The following LRFN2 variants were observed in gnomAD, a reference collection of about 807,000 sequenced individuals.
The protein encoded by LRFN2 is leucine-rich repeat and fibronectin type-III domain-containing protein 2.
In LRFN2, 18 loss-of-function variants were observed where a neutral mutation model predicts 37.3. The observed-to-expected ratio is 0.48, with a 90% confidence interval of 0.33 to 0.72. The LOEUF is 0.72. Ranked by LOEUF, LRFN2 falls within the 30% of genes least tolerant of loss-of-function variation. The probability of loss-of-function intolerance (pLI) is 0.02; values close to 1 mark genes in which losing one functional copy is unlikely to be tolerated. For missense variants in LRFN2, 1,006 were observed against 1,060.7 expected (o/e 0.95, Z 0.72); for synonymous variants, 556 against 466.6 (o/e 1.19, Z -2.47).
intron 1 of LRFN2, among the ~76,000 whole-genome samples, chr6:40,525,402 C>A (rs1377498351): frequency 6.6e-6 from 1 of 152,214 alleles, no homozygotes; most frequent in African/African-American, 2.4e-5. Context: ...TCATTTGCAC[C>A]TGATGGGTGC....
At chr6:40,482,516 C>T (rs1236480388) in intron 1 of LRFN2, among the ~76,000 whole-genome samples, 4 of 152,358 alleles carry the variant, frequency 2.6e-5, no homozygotes, top group Non-Finnish European at 4.4e-5. Flanking sequence ...AAGATCTCTA[C>T]TTTTCCTTCT....
intron 1 of LRFN2, among the ~76,000 whole-genome samples, chr6:40,499,829 T>C (rs2504831): frequency 0.49 from 73,959 of 152,018 alleles, 18,598 homozygotes; most frequent in East Asian, 0.58. Context: ...CAGATCCCAG[T>C]TCTGCCTTCT....
chr6:40,477,540 T>G (rs926118820), intron 1 of LRFN2, among the ~76,000 whole-genome samples: 16 of 152,320 alleles, frequency 1.1e-4, no homozygotes, highest in Admixed American at 3.3e-4. Context: ...GTTGGTGGGC[T>G]GGGGCAGGGG....
chr6:40,497,737 C>T (rs774739918), intron 1 of LRFN2, among the ~76,000 whole-genome samples: 17 of 152,192 alleles, frequency 1.1e-4, no homozygotes, highest in Non-Finnish European at 2.1e-4. Flanking sequence ...ACCTCTCCAA[C>T]TCCCCCACCC....
In LRFN2 at chr6:40,392,238, T is replaced by G. The variant is rs1237002059; in HGVS notation, c.2075A>C (p.His692Pro). ...RGAGTSARGH[H>P]SDREPLLGPP... ...CCCCAGCAGTGGCTCTCGGTCCGAGTGGTGGCCCCGGGCCGACGTCCCAGC... is the reference window on the plus strand; with the variant it reads ...CCCCAGCAGTGGCTCTCGGTCCGAGGGGTGGCCCCGGGCCGACGTCCCAGC... Residue 692 changes from histidine (H) to proline (P), a missense_variant, in exon 3 of 3, where the codon CAC becomes CCC. Transcript: ENST00000338305. This position sits in a 1 kb window ranked among gnomAD's most constrained non-coding sequence, Gnocchi z 4.7. The G allele has an allele frequency of 1.7e-5, 27 of 1,573,302 alleles. No homozygotes were observed. The highest frequency in any genetic ancestry group is 2.2e-5 in the Non-Finnish European group (26 of 1,162,260).
chr6:40,433,005 G>C lies in LRFN2; in HGVS notation c.109C>G (p.Leu37Val), dbSNP rs879053979. ...AAGAGCAGCCCCTTGGAGGGGCACA[G>C]GGTCCCCAGTGACTCAGACAGATTC... The part of the protein sequence containing the change: ...CQNLSESLGT[L>V]CPSKGLLFVP... The change falls in exon 2 of 3, where the codon CTG (leucine) becomes GTG (valine). Residue 37 changes from leucine to valine, a missense_variant. By Grantham distance (32) the Leu-to-Val change is conservative (BLOSUM62 1). Coordinates refer to ENST00000338305, the MANE Select transcript of LRFN2 (RefSeq NM_020737.3). 1.2e-6 allele frequency: 2 copies of C among 1,608,756 alleles called. No individual in the cohort carries two copies. Among genetic ancestry groups the C allele is most frequent in the African/African-American group, 2.7e-5 (2 of 74,782 alleles).
At chr6:40,452,366 G>C (rs541605994) in intron 1 of LRFN2, among the ~76,000 whole-genome samples, 2 of 152,284 alleles carry the variant, frequency 1.3e-5, no homozygotes, top group East Asian at 3.9e-4. Context: ...TGATATTGCT[G>C]ACATCCCAAA....
intron 2 of LRFN2, among the ~76,000 whole-genome samples, chr6:40,427,347 A>G (rs1427150010): frequency 1.3e-5 from 2 of 152,366 alleles, no homozygotes; most frequent in Non-Finnish European, 2.9e-5. Context: ...CCAAGACAGC[A>G]TGAGAGTTCG....
chr6:40,397,436 C>T (rs2068329), intron 2 of LRFN2, among the ~76,000 whole-genome samples: 146,204 of 152,266 alleles, frequency 0.96, 70,452 homozygotes, highest in Non-Finnish European at 1. Flanking sequence ...AGCACCACAC[C>T]ATCTCTAGTG....
At chr6:40,422,720 C>T (rs1004537893) in intron 2 of LRFN2, among the ~76,000 whole-genome samples, 15 of 152,214 alleles carry the variant, frequency 9.9e-5, no homozygotes, top group African/African-American at 3.6e-4. Context: ...TCTTCCAGGC[C>T]TAACCCCATC....
At chr6:40,577,447 A>C (rs2113798111) in intron 1 of LRFN2, among the ~76,000 whole-genome samples, 1 of 152,268 alleles carries the variant, frequency 6.6e-6, no homozygotes, top group African/African-American at 2.4e-5. Context: ...AGCTCTTTCA[A>C]ACCAAAAGAT....
intron 1 of LRFN2, among the ~76,000 whole-genome samples, chr6:40,461,717 G>T (rs956181465): frequency 6.6e-6 from 1 of 152,004 alleles, no homozygotes; most frequent in African/African-American, 2.4e-5. Context: ...AAGTAGGAGA[G>T]GCGAGGGAGA....
intron 1 of LRFN2, among the ~76,000 whole-genome samples, chr6:40,445,638 C>A (rs545768846): frequency 2.6e-4 from 40 of 152,290 alleles, no homozygotes; most frequent in African/African-American, 8.9e-4. Flanking sequence ...ATTACAGAAA[C>A]CTTTTAAAGG....
At chr6:40,563,666 C>T (rs1440023324) in intron 1 of LRFN2, among the ~76,000 whole-genome samples, 1 of 152,124 alleles carries the variant, frequency 6.6e-6, no homozygotes, top group Non-Finnish European at 1.5e-5. Flanking sequence ...GTCCTGGGGG[C>T]TATGTCACAA....
intron 1 of LRFN2, among the ~76,000 whole-genome samples, chr6:40,445,280 G>A (rs1347595132): frequency 6.6e-6 from 1 of 152,168 alleles, no homozygotes; most frequent in African/African-American, 2.4e-5. Context: ...TTTTATAAGT[G>A]GAGAAATTGA....
chr6:40,485,162 A>G (rs1421163693), intron 1 of LRFN2, among the ~76,000 whole-genome samples: 1 of 152,222 alleles, frequency 6.6e-6, no homozygotes, highest in Non-Finnish European at 1.5e-5. Context: ...ATGTTCAACT[A>G]TCAGCCAAGT....
intron 1 of LRFN2, among the ~76,000 whole-genome samples, chr6:40,510,481 C>G (rs1195574440): frequency 6.6e-6 from 1 of 152,220 alleles, no homozygotes; most frequent in Admixed American, 6.5e-5. Context: ...ACCCTTTGCT[C>G]CCTGTCATTC....
intron 1 of LRFN2, among the ~76,000 whole-genome samples, chr6:40,537,761 T>G (rs1487558362): frequency 6.6e-6 from 1 of 152,086 alleles, no homozygotes; most frequent in African/African-American, 2.4e-5. Context: ...AGTTAGGGAC[T>G]AAGGGGACTC....
chr6:40,435,169 G>C (rs1763634029), intron 1 of LRFN2, among the ~76,000 whole-genome samples: 1 of 148,418 alleles, frequency 6.7e-6, no homozygotes, highest in Non-Finnish European at 1.5e-5. Context: ...GAGAGAGAGA[G>C]AGAGAGAGAG....
Sources: gnomAD v4.1 joint callset for allele counts (sites outside exome capture counted in the v4.1 genomes callset) on GRCh38, gnomAD v4.1.1 for gene constraint, Gnocchi (gnomAD v3.1) non-coding constraint, MANE v1.5 for transcripts, NCBI Gene and HGNC (gene_info 2026-07-23, HGNC 2026-07-21) for gene names.